Variants in RERE observed in about 807,000 individuals in gnomAD.
RERE encodes the protein arginine-glutamic acid dipeptide repeats.
In RERE, 40 loss-of-function variants were observed where a neutral mutation model predicts 146.1. The ratio of observed to expected loss-of-function variants is 0.27; its 90% confidence interval spans 0.21 to 0.36. The LOEUF is 0.36. Among genes scored for constraint, RERE ranks in the 10% least tolerant of loss-of-function variants. The pLI is 1.00. For missense variants in RERE, 1,933 were observed against 2,138.7 expected, an observed-to-expected ratio of 0.90 and a Z score of 1.90; for synonymous variants, 1,003 against 866.0, an observed-to-expected ratio of 1.16 and a Z score of -2.78.
At chr1:8,498,611 G>C (rs899589781) in intron 8 of RERE, among the ~76,000 whole-genome samples, 3 of 150,366 alleles carry the variant, frequency 2.0e-5, no homozygotes, top group South Asian at 2.1e-4. Context: ...CAAGAGAATC[G>C]CTTGAACCCG....
At chr1:8,729,059 G>A (rs2124484248) in intron 1 of RERE, among the ~76,000 whole-genome samples, 1 of 151,994 alleles carries the variant, frequency 6.6e-6, no homozygotes, top group African/African-American at 2.4e-5. Context: ...TAGCTACTCA[G>A]GAGGCTGAGG....
At chr1:8,727,923 G>A (rs1640003743) in intron 1 of RERE, among the ~76,000 whole-genome samples, 1 of 152,194 alleles carries the variant, frequency 6.6e-6, no homozygotes, top group African/African-American at 2.4e-5. Flanking sequence ...CTAAAACAAA[G>A]ACCACTTGTA....
At chr1:8,422,914 C>CGGCTAGGGAATACTG (rs1643931789) in intron 11 of RERE, 107 bp from the exon 12 acceptor site, 1 of 831,068 alleles carries the variant, frequency 1.2e-6, no homozygotes, top group African/African-American at 1.7e-5. Flanking sequence ...AAAAAAGTCT[C>CGGCTAGGGAATACTG]GGCTAGGGAA....
intron 4 of RERE, among the ~76,000 whole-genome samples, chr1:8,607,534 CTTTTTTTTTTTTTTTT>C (rs1167501074): frequency 6.2e-5 from 3 of 48,584 alleles, no homozygotes; most frequent in African/African-American, 1.7e-4. Flanking sequence ...ATATATATTT[CTTTTTTTTTTTTTTTT>C]TTTTTTTTTT....
intron 8 of RERE, among the ~76,000 whole-genome samples, chr1:8,505,622 C>G (rs777404604): frequency 9.9e-5 from 15 of 152,162 alleles, no homozygotes; most frequent in Non-Finnish European, 2.1e-4. Flanking sequence ...CTTCAACCGC[C>G]TAGGCTCAAG....
At chr1:8,478,567 T>C (rs1006490578) in intron 10 of RERE, among the ~76,000 whole-genome samples, 12 of 151,974 alleles carry the variant, frequency 7.9e-5, no homozygotes, top group African/African-American at 2.9e-4. Context: ...AGAAAGTTGC[T>C]GGGTAAGGGG....
rs1553127411 is a variant in RERE, at chr1:8,647,641, A to ATGTG, written c.325+8328_325+8331dup. Among the ~76,000 whole-genome samples the ATGTG allele has an allele frequency of 2.4e-3, 360 of 148,638 alleles. 2 individuals carry two copies. Among genetic ancestry groups the ATGTG allele is most frequent in the South Asian group, 6.1e-3 (28 of 4,598 alleles). Reference sequence around the variant, plus strand: ...AAATGAGCTTCTATTTAAAATATGTATGTGTGTGTGTGTGTGTGTGTGTGT... The same window carrying ATGTG: ...AAATGAGCTTCTATTTAAAATATGTATGTGTGTGTGTGTGTGTGTGTGTGTGTGT... On this transcript the variant is annotated intron_variant, in intron 2 of 22. Coordinates refer to ENST00000400908, the MANE Select transcript of RERE (RefSeq NM_001042681.2).
intron 19 of RERE, among the ~76,000 whole-genome samples, chr1:8,359,181 C>A (rs908328444): frequency 6.6e-6 from 1 of 152,164 alleles, no homozygotes; most frequent in African/African-American, 2.4e-5. Flanking sequence ...GGGTTGTCTA[C>A]GTGTGAGGGT....
chr1:8,646,547 AC>A (rs1647316887), intron 2 of RERE, among the ~76,000 whole-genome samples: 1 of 151,426 alleles, frequency 6.6e-6, no homozygotes, highest in Non-Finnish European at 1.5e-5. Flanking sequence ...TCAAAAAAAA[AC>A]AAACAAACAA....
intron 12 of RERE, among the ~76,000 whole-genome samples, chr1:8,415,286 A>G (rs1643730008): frequency 6.6e-6 from 1 of 152,216 alleles, no homozygotes; most frequent in South Asian, 2.1e-4. Flanking sequence ...TAGCTAATAA[A>G]ATGGTGCAGA....
intron 1 of RERE, among the ~76,000 whole-genome samples, chr1:8,661,099 C>G (rs576702968): frequency 2.0e-5 from 3 of 152,078 alleles, no homozygotes; most frequent in Non-Finnish European, 4.4e-5. Context: ...TGTTGCAGGA[C>G]TGCAATTTTA....
intron 1 of RERE, among the ~76,000 whole-genome samples, chr1:8,788,412 T>A (rs977506866): frequency 6.6e-6 from 1 of 150,390 alleles, no homozygotes; most frequent in Non-Finnish European, 1.5e-5. Context: ...TTGCCCAGGC[T>A]GGAGCGCAGT....
chr1:8,762,881 T>G (rs1640781461), intron 1 of RERE, among the ~76,000 whole-genome samples: 1 of 152,136 alleles, frequency 6.6e-6, no homozygotes, highest in Admixed American at 6.6e-5. Context: ...AATTCCAGAA[T>G]GACCTGGGAC....
chr1:8,426,981 C>CTA (rs1449440972), intron 11 of RERE, among the ~76,000 whole-genome samples: 1 of 152,202 alleles, frequency 6.6e-6, no homozygotes, highest in African/African-American at 2.4e-5. Flanking sequence ...CTCCATATAA[C>CTA]ACTAGGCAGT....
At chr1:8,458,720 T>C (rs1644486111) in intron 11 of RERE, among the ~76,000 whole-genome samples, 1 of 152,202 alleles carries the variant, frequency 6.6e-6, no homozygotes, top group Non-Finnish European at 1.5e-5. Context: ...AAGAATAATC[T>C]TGTTAAACAC....
intron 1 of RERE, among the ~76,000 whole-genome samples, chr1:8,754,210 CTTTT>C (rs550370384): frequency 6.9e-6 from 1 of 143,888 alleles, no homozygotes; most frequent in East Asian, 2.0e-4. Flanking sequence ...CTCCCAATTC[CTTTT>C]TTTTTTTTTC....
rs560767615 is a variant in RERE at position 8,356,343 on chromosome 1, G to A, written c.4340-97C>T. 6.0e-6 allele frequency: 8 copies of A among 1,326,436 alleles called. No individual in the cohort carries two copies. The African/African-American group carries it at 1.2e-4, about 21-fold the overall frequency. 82.2% of individuals were successfully genotyped at this position (1,326,436 alleles called of 1,614,324 possible). A position where few individuals can be genotyped will look rare whatever the true frequency, so the allele number is the denominator to read the frequency against. On this transcript the variant is annotated intron_variant, in intron 20 of 22. Coordinates refer to ENST00000400908, the MANE Select transcript of RERE (RefSeq NM_001042681.2). This position sits in a 1 kb window ranked among gnomAD's most constrained non-coding sequence, Gnocchi z 5.2. ...GACCGATGACTTCCTCCTCACCCAG[G>A]ATGGCTCCTGGTCACCAGGGCTGGA...
chr1:8,585,973 C>G (rs1388332999), intron 4 of RERE, among the ~76,000 whole-genome samples: 1 of 152,066 alleles, frequency 6.6e-6, no homozygotes, highest in East Asian at 1.9e-4. Flanking sequence ...ATAAAAATAT[C>G]CTACACCACC....
intron 12 of RERE, among the ~76,000 whole-genome samples, chr1:8,405,721 CTCCAACT>C (rs1299518313): frequency 6.6e-6 from 1 of 152,088 alleles, no homozygotes; most frequent in African/African-American, 2.4e-5. Context: ...TCACTGCAAC[CTCCAACT>C]TCCTGGTTCA....
Sources: gnomAD v4.1 joint callset for allele counts (sites outside exome capture counted in the v4.1 genomes callset) on GRCh38, gnomAD v4.1.1 for gene constraint, Gnocchi (gnomAD v3.1) non-coding constraint, MANE v1.5 for transcripts, NCBI Gene and HGNC (gene_info 2026-07-23, HGNC 2026-07-21) for gene names.